The following CARS2 variants were observed in gnomAD, a reference collection of about 807,000 sequenced individuals.
The protein encoded by CARS2 is cysteinyl-tRNA synthetase 2, mitochondrial.
Under a neutral mutation model 68.8 loss-of-function variants are expected in CARS2, and 52 were observed. The ratio of observed to expected loss-of-function variants is 0.76; its 90% CI spans 0.61 to 0.95. The LOEUF is 0.95. Ranked by LOEUF, CARS2 falls within the 40% of genes least tolerant of loss-of-function variation. The pLI is 0.00. For missense variants in CARS2, 780 were observed against 754.2 expected, an observed-to-expected ratio of 1.03 and a Z score of -0.40; for synonymous variants, 314 against 303.6, an observed-to-expected ratio of 1.03 and a Z score of -0.36.
At chr13:110,655,419 C>T (rs1157708779) in intron 9 of CARS2, among the ~76,000 whole-genome samples, 1 of 152,182 alleles carries the variant, frequency 6.6e-6, no homozygotes, top group Non-Finnish European at 1.5e-5. Context: ...AAGCTGCACC[C>T]ACACACTGGA....
rs542366222 is a variant in CARS2, at chr13:110,641,544, G to A, written c.1688C>T (p.Ala563Val). 2.8e-5 allele frequency: 45 copies of A among 1,612,836 alleles called. No homozygotes were observed. The highest frequency in any genetic ancestry group is 3.5e-5 in the Non-Finnish European group (41 of 1,178,788). The change falls in exon 15 of 15, where the codon GCG (alanine) becomes GTG (valine). Residue 563 changes from alanine to valine, a missense_variant. Ala to Val is a moderately conservative substitution (Grantham distance 64, BLOSUM62 0). Transcript: ENST00000257347. ...LDQRTKDQKS[A>V]G ...CATGGCTGTGCTCCATCCTCAGCCC[G>A]CTGATTTTTGGTCTTTTGTCCTTTG...
At chr13:110,712,999 C>A (rs756578782) in intron 1 of CARS2, 1 of 1,544,000 alleles carries the variant, frequency 6.5e-7, no homozygotes, top group South Asian at 1.2e-5. Context: ...GCGCACTCTG[C>A]GGCCGCAGCT....
intron 5 of CARS2, 75 bp from the exon 6 acceptor site, chr13:110,683,209 C>G: frequency 1.1e-6 from 1 of 952,052 alleles, no homozygotes; most frequent in Non-Finnish European, 1.5e-6. Flanking sequence ...TAACATCTAA[C>G]AAGTAATTAG....
chr13:110,663,612 G>A, intron 8 of CARS2, 94 bp from the exon 9 acceptor site: 3 of 1,549,952 alleles, frequency 1.9e-6, no homozygotes, highest in Non-Finnish European at 2.6e-6. Flanking sequence ...ATGGGAACCT[G>A]CACATATCCA....
At chr13:110,708,264 AGAAATCTGGGTAGTAAAATACCT>A (rs1392772350), upstream of CARS2, among the ~76,000 whole-genome samples, 1 of 152,242 alleles carries the variant, frequency 6.6e-6, no homozygotes, top group Non-Finnish European at 1.5e-5. Context: ...GCAGGTGGGA[AGAAATCTGGGTAGTAAAATACCT>A]GATAAAGCTG....
chr13:110,694,414 A>T (rs2063561587), intron 3 of CARS2, among the ~76,000 whole-genome samples: 1 of 151,712 alleles, frequency 6.6e-6, no homozygotes, highest in Non-Finnish European at 1.5e-5. Flanking sequence ...AGGCAGCTGG[A>T]TCACCTGAGG....
upstream of CARS2, among the ~76,000 whole-genome samples, chr13:110,711,078 T>C (rs934884771): frequency 5.3e-5 from 8 of 152,242 alleles, no homozygotes; most frequent in East Asian, 1.9e-4. Flanking sequence ...AACCGGTCTA[T>C]TTCTTACTAT....
chr13:110,643,375 AGACGCCG>A (rs1200502016), intron 13 of CARS2: 3 of 154,962 alleles, frequency 1.9e-5, no homozygotes, highest in Non-Finnish European at 4.3e-5. Context: ...GATTGGCAAC[AGACGCCG>A]GACTGCTGGA....
chr13:110,671,184 C>G (rs892273438), intron 7 of CARS2, among the ~76,000 whole-genome samples: 1 of 152,134 alleles, frequency 6.6e-6, no homozygotes, highest in Non-Finnish European at 1.5e-5. Context: ...ACAAGGCAGG[C>G]CAACATTCAC....
chr13:110,655,639 C>T (rs953520479), intron 9 of CARS2, among the ~76,000 whole-genome samples: 18 of 152,186 alleles, frequency 1.2e-4, no homozygotes, highest in African/African-American at 3.9e-4. Context: ...TGAACGTGGT[C>T]GGGCAGGAGG....
At chr13:110,659,584 A>G (rs2062452959) in intron 9 of CARS2, among the ~76,000 whole-genome samples, 1 of 152,120 alleles carries the variant, frequency 6.6e-6, no homozygotes, top group African/African-American at 2.4e-5. Context: ...CAATAAAGCG[A>G]ATATCACAAT....
chr13:110,706,956 A>T (rs891792734), upstream of CARS2, among the ~76,000 whole-genome samples: 1 of 150,886 alleles, frequency 6.6e-6, no homozygotes, highest in African/African-American at 2.4e-5. Context: ...AGCACACACC[A>T]CATCAGCATC....
chr13:110,687,937 C>T lies in CARS2; in HGVS notation c.465+10G>A. The T allele has an allele frequency of 1.2e-6, 2 of 1,610,414 alleles. No homozygotes were observed. Among genetic ancestry groups the T allele is most frequent in the South Asian group, 2.2e-5 (2 of 90,992 alleles). On this transcript the variant is annotated intron_variant, in intron 4 of 14. Coordinates refer to ENST00000257347, the MANE Select transcript of CARS2 (RefSeq NM_024537.4). ...CCCTCATGGCAGGAACAACCAGCCC[C>T]ACACTTTACCTTCAGGGCTGCCATG...
At chr13:110,686,058 C>T (rs559365223) in intron 5 of CARS2, among the ~76,000 whole-genome samples, 2 of 148,150 alleles carry the variant, frequency 1.3e-5, no homozygotes, top group Non-Finnish European at 3.0e-5. Flanking sequence ...GGAGACTAAA[C>T]CAACAAATGC....
intron 7 of CARS2, among the ~76,000 whole-genome samples, chr13:110,674,891 G>A (rs1442498034): frequency 6.6e-6 from 1 of 152,142 alleles, no homozygotes; most frequent in Non-Finnish European, 1.5e-5. Context: ...ATCAAAAAGT[G>A]GGCGAAGGAT....
In CARS2 at chr13:110,676,223, C is replaced by T. The variant is rs533641986; in HGVS notation, c.785+751G>A. Among the ~76,000 whole-genome samples the T allele has an allele frequency of 4.7e-4, 71 of 152,310 alleles. No homozygotes were observed. The highest frequency in any genetic ancestry group is 3.4e-3 in the Middle Eastern group (1 of 294). ...ATGGGCAGCTGTGCAGCACGGGGCA[C>T]GGGCGGTATGCTGTCTTTCACACAC... On this transcript the variant is annotated intron_variant, in intron 7 of 14. Transcript: ENST00000257347. This position sits in a 1 kb window ranked among gnomAD's most constrained non-coding sequence, Gnocchi z 4.0.
chr13:110,682,762 C>A (rs929869817), intron 6 of CARS2, among the ~76,000 whole-genome samples: 1 of 152,138 alleles, frequency 6.6e-6, no homozygotes, highest in Non-Finnish European at 1.5e-5. Flanking sequence ...TTCATGTGCG[C>A]TGAAAACCCT....
chr13:110,705,766 C>A lies in CARS2; in HGVS notation c.224+104G>T. On this transcript the variant is annotated intron_variant, in intron 1 of 14. Transcript: ENST00000257347. The surrounding 1 kb of genome is among the most constrained non-coding windows in gnomAD (Gnocchi z 4.0). ...CCCCAGCTTCTAGAACGGCGCCCTCCATGCAGCTTCCTAAACGCCCTCCCC... is the reference window on the plus strand; with the variant it reads ...CCCCAGCTTCTAGAACGGCGCCCTCAATGCAGCTTCCTAAACGCCCTCCCC... 6.5e-7 allele frequency: 1 copy of A among 1,532,526 alleles called. No individual in the cohort carries two copies. 94.9% of individuals were successfully genotyped at this position (1,532,526 alleles called of 1,614,324 possible). A position where few individuals can be genotyped will look rare whatever the true frequency, so the allele number is the denominator to read the frequency against.
rs761490255 is a variant in CARS2, at chr13:110,705,709, T to C, written c.225-138A>G. Reference sequence around the variant, plus strand: ...AGCCGGGGTTTTCATACTTGCTCAATTCACACCCAAACCTGCAAAAGCACC... The same window carrying C: ...AGCCGGGGTTTTCATACTTGCTCAACTCACACCCAAACCTGCAAAAGCACC... On this transcript the variant is annotated intron_variant, in intron 1 of 14. Coordinates refer to ENST00000257347, the MANE Select transcript of CARS2 (RefSeq NM_024537.4). The surrounding 1 kb of genome is among the most constrained non-coding windows in gnomAD (Gnocchi z 4.0). 3 of 1,524,960 alleles carry C rather than the reference T, an allele frequency of 2.0e-6. No homozygotes were observed. The South Asian group carries it at 3.6e-5, about 18-fold the overall frequency. The allele number at this position is 1,524,960 out of a possible 1,614,324, so 94.5% of individuals were successfully genotyped here.
Sources: gnomAD v4.1 joint callset for allele counts (sites outside exome capture counted in the v4.1 genomes callset) on GRCh38, gnomAD v4.1.1 for gene constraint, Gnocchi (gnomAD v3.1) non-coding constraint, MANE v1.5 for transcripts, NCBI Gene and HGNC (gene_info 2026-07-23, HGNC 2026-07-21) for gene names.